PACS2: variants seen among roughly 807,000 people sequenced by gnomAD.
PACS2 encodes phosphofurin acidic cluster sorting protein 2.
PACS2 carries 36 observed loss-of-function variants against 113.0 expected under a neutral mutation model. The ratio of observed to expected loss-of-function variants is 0.32; its 90% CI spans 0.24 to 0.42. The LOEUF (loss-of-function observed/expected upper bound fraction) is 0.42. Ranked by LOEUF, PACS2 falls within the 10% of genes least tolerant of loss-of-function variation. The pLI is 1.00. For missense variants in PACS2, 1,015 were observed against 1,239.5 expected (o/e 0.82, Z 2.72); for synonymous variants, 589 against 536.1 (o/e 1.10, Z -1.36).
Position 105,333,812 on chromosome 14 carries a change from C to G in PACS2, c.120-14681C>G, listed in dbSNP as rs587681693. ...AGCCTGTGGCCCATGGCAGGGCTGC[C>G]CAGGACAGGGGCTTGGCCCCGGAGG... On this transcript the variant is annotated intron_variant, in intron 1 of 24. Transcript: ENST00000447393. 3.3e-5 allele frequency among the ~76,000 whole-genome samples: 5 copies of G among 152,332 alleles called. No homozygotes were observed. The South Asian group carries it at 8.3e-4, about 25-fold the overall frequency.
chr14:105,367,425 C>T (rs998905755), intron 5 of PACS2, 50 bp downstream of exon 5: 1 of 1,576,446 alleles, frequency 6.3e-7, no homozygotes, highest in Non-Finnish European at 8.7e-7. Flanking sequence ...GAGGCCCTGC[C>T]TTCCAGCCAT....
In PACS2 at chr14:105,329,355, G is replaced by A. The variant is rs1413187414; in HGVS notation, c.119+14318G>A. The stretch of plus-strand genomic sequence containing the variant: ...TTGGCACTTCAAGATTTGCTCCCTG[G>A]CAACTGTTGCCTTTCCCAGAAGAGA... On this transcript the variant is annotated intron_variant, in intron 1 of 24. Transcript: ENST00000447393. This position sits in a 1 kb window ranked among gnomAD's most constrained non-coding sequence, Gnocchi z 6.4. 6.6e-6 allele frequency among the ~76,000 whole-genome samples: 1 copy of A among 152,198 alleles called. No homozygotes were observed. Among genetic ancestry groups the A allele is most frequent in the Non-Finnish European group, 1.5e-5 (1 of 68,044 alleles).
At chr14:105,347,820 G>A (rs587747247) in intron 1 of PACS2, among the ~76,000 whole-genome samples, 9 of 152,320 alleles carry the variant, frequency 5.9e-5, no homozygotes, top group African/African-American at 7.2e-5. Context: ...GCCCTGGCGC[G>A]TGTACGGCAG....
In PACS2 at chr14:105,355,702, G is replaced by A. The variant is rs1293646235; in HGVS notation, c.423+525G>A. 1.3e-5 allele frequency among the ~76,000 whole-genome samples: 2 copies of A among 152,230 alleles called. No individual in the cohort carries two copies. Among genetic ancestry groups the A allele is most frequent in the Non-Finnish European group, 2.9e-5 (2 of 68,038 alleles). On this transcript the variant is annotated intron_variant, in intron 4 of 24. Coordinates refer to ENST00000447393, the MANE Select transcript of PACS2 (RefSeq NM_001100913.3). This position sits in a 1 kb window ranked among gnomAD's most constrained non-coding sequence, Gnocchi z 4.1. ...TGGCTGGAGTTCCCTGGAGGGGAAA[G>A]AAGGGGAAGTACCTCAAAAGGAAAA...
intron 8 of PACS2, chr14:105,372,862 A>G (rs934751457): frequency 2.0e-5 from 3 of 152,194 alleles, no homozygotes; most frequent in Non-Finnish European, 2.9e-5. Flanking sequence ...AGATGGGGCC[A>G]CTGCACTCCA....
At chr14:105,361,376 C>T (rs2060671644) in intron 4 of PACS2, among the ~76,000 whole-genome samples, 1 of 152,234 alleles carries the variant, frequency 6.6e-6, no homozygotes, top group South Asian at 2.1e-4. Flanking sequence ...GTGGCTCACA[C>T]CTGTAATCCC....
rs1555405748 is a variant in PACS2 at position 105,358,568 on chromosome 14, G to A, written c.423+3391G>A. 6.6e-6 allele frequency among the ~76,000 whole-genome samples: 1 copy of A among 152,230 alleles called. No homozygotes were observed. Among genetic ancestry groups the A allele is most frequent in the East Asian group, 1.9e-4 (1 of 5,202 alleles). ...GGAGACGCAGGCATGCCAGCTGGTGGCCATTGTCTGAGGCTGGGGCCTGTG... is the reference window on the plus strand; with the variant it reads ...GGAGACGCAGGCATGCCAGCTGGTGACCATTGTCTGAGGCTGGGGCCTGTG... On this transcript the variant is annotated intron_variant, in intron 4 of 24. Coordinates refer to ENST00000447393, the MANE Select transcript of PACS2 (RefSeq NM_001100913.3). The surrounding 1 kb of genome is among the most constrained non-coding windows in gnomAD (Gnocchi z 4.9).
rs587618349 is a variant in PACS2 at position 105,315,674 on chromosome 14, G to T, written c.119+637G>T. 2.6e-5 allele frequency: 4 copies of T among 152,446 alleles called. No individual in the cohort carries two copies. In the South Asian group the frequency reaches 8.3e-4, roughly 32 times the overall value. The allele number at this position is 152,446 out of a possible 1,614,324, so 9.4% of individuals were successfully genotyped here. ...TCTGCACTTGGTAGGGGGGCGCCCG[G>T]TCGCCCAGCGGTAACGATTGGACAG... is the stretch of plus-strand genomic sequence containing the variant. On this transcript the variant is annotated intron_variant, in intron 1 of 24. Transcript: ENST00000447393. This position sits in a 1 kb window ranked among gnomAD's most constrained non-coding sequence, Gnocchi z 4.4.
chr14:105,339,166 G>C (rs1200097768), intron 1 of PACS2, among the ~76,000 whole-genome samples: 1 of 152,194 alleles, frequency 6.6e-6, no homozygotes, highest in Non-Finnish European at 1.5e-5. Context: ...GATGGAAAGT[G>C]GGGGACGCTA....
In PACS2 at chr14:105,315,550, G is replaced by T. The variant is rs587746155; in HGVS notation, c.119+513G>T. On this transcript the variant is annotated intron_variant, in intron 1 of 24. Transcript: ENST00000447393. The surrounding 1 kb of genome is among the most constrained non-coding windows in gnomAD (Gnocchi z 4.4). ...CCTGCGGGGCGGGGTCGTCCTCGCG[G>T]GTACCTGGTTGGCGCTGTCTCTCAT... is the stretch of plus-strand genomic sequence containing the variant. 1.4e-4 allele frequency: 22 copies of T among 152,410 alleles called. No homozygotes were observed. In the East Asian group the frequency reaches 4.2e-3, roughly 29 times the overall value. The allele number at this position is 152,410 out of a possible 1,614,324, so 9.4% of individuals were successfully genotyped here.
Position 105,384,458 on chromosome 14 carries a change from G to A in PACS2, c.1886G>A (p.Ser629Asn). 6.2e-7 allele frequency: 1 copy of A among 1,606,260 alleles called. No individual in the cohort carries two copies. The highest frequency in any genetic ancestry group is 8.5e-7 in the Non-Finnish European group (1 of 1,175,034). Residue 629 changes from serine to asparagine, a missense_variant, in exon 17 of 25, where the codon AGT becomes AAT. Ser to Asn is a conservative substitution (Grantham distance 46, BLOSUM62 1). Coordinates refer to ENST00000447393, the MANE Select transcript of PACS2 (RefSeq NM_001100913.3). ...CTGTTCAACAAGCTGGAGGCCCAGA[G>A]TGCGGGTGAGGCCCGGGCGCGTCCA... Reference protein sequence around the residue: ...RDLFNKLEAQSAVQDTPDIVS... With the variant: ...RDLFNKLEAQNAVQDTPDIVS...
At chr14:105,384,322 TG>T in intron 16 of PACS2, 30 bp from the exon 17 acceptor site, 1 of 1,344,896 alleles carries the variant, frequency 7.4e-7, no homozygotes, top group Non-Finnish European at 1.1e-6. Flanking sequence ...GAGTCCCCCG[TG>T]GTGACACCAG....
upstream of PACS2, among the ~76,000 whole-genome samples, chr14:105,314,239 C>A (rs1361915600): frequency 7.2e-6 from 1 of 139,772 alleles, no homozygotes; most frequent in Non-Finnish European, 1.6e-5. Flanking sequence ...GCCAACCCAG[C>A]GGGGGTCGGC....
In PACS2 at chr14:105,394,621, C is replaced by T. The variant is rs144999852; in HGVS notation, c.2664C>T (p.His888=). ...FFQLAAQWSS[H]VKHFPICIFG... is the part of the protein sequence containing the mutation. Reference sequence around the variant, plus strand: ...AGCTGGCCGCGCAGTGGTCCTCGCACGTGAAGCACTTCCCCATCTGCATCT... The same window carrying T: ...AGCTGGCCGCGCAGTGGTCCTCGCATGTGAAGCACTTCCCCATCTGCATCT... Residue 888 remains histidine (H), a synonymous_variant, in exon 25 of 25, where the codon CAC becomes CAT. Coordinates refer to ENST00000447393, the MANE Select transcript of PACS2 (RefSeq NM_001100913.3). 1.6e-5 allele frequency: 26 copies of T among 1,613,370 alleles called. No homozygotes were observed. The highest frequency in any genetic ancestry group is 1.8e-5 in the Non-Finnish European group (21 of 1,179,968).
chr14:105,350,097 C>T (rs891791328), intron 2 of PACS2, among the ~76,000 whole-genome samples: 4 of 151,574 alleles, frequency 2.6e-5, no homozygotes, highest in Admixed American at 2.0e-4. Context: ...AGCGTCTCTC[C>T]GCCTGTCCTG....
At position 105,319,559 on chromosome 14, in the gene PACS2, AT is replaced by A. The variant is rs587770894; in HGVS notation, c.119+4527del. Among the ~76,000 whole-genome samples the A allele has an allele frequency of 6.6e-4, 100 of 152,356 alleles. 1 individual carries two copies. The highest frequency in any genetic ancestry group is 2.4e-3 in the Admixed American group (36 of 15,304). ...TTTCAAAGAAATCAGTGATTTTACTATTTTTAACCTAGTAACTTATCTATAG... is the reference window on the plus strand; with the variant it reads ...TTTCAAAGAAATCAGTGATTTTACTATTTTAACCTAGTAACTTATCTATAG... On this transcript the variant is annotated intron_variant, in intron 1 of 24. Coordinates refer to ENST00000447393, the MANE Select transcript of PACS2 (RefSeq NM_001100913.3).
rs2059231292 is a variant in PACS2, at chr14:105,329,683, C to T, written c.119+14646C>T. 6.6e-6 allele frequency among the ~76,000 whole-genome samples: 1 copy of T among 152,146 alleles called. No homozygotes were observed. The highest frequency in any genetic ancestry group is 1.5e-5 in the Non-Finnish European group (1 of 68,020). On this transcript the variant is annotated intron_variant, in intron 1 of 24. Coordinates refer to ENST00000447393, the MANE Select transcript of PACS2 (RefSeq NM_001100913.3). The surrounding 1 kb of genome is among the most constrained non-coding windows in gnomAD (Gnocchi z 6.4). Reference sequence around the variant, plus strand: ...CAGACAGCCCCCTTGTCTAGGTGCGCACCTGGAGTCCTTTCCTGCGTGACT... The same window carrying T: ...CAGACAGCCCCCTTGTCTAGGTGCGTACCTGGAGTCCTTTCCTGCGTGACT...
intron 1 of PACS2, among the ~76,000 whole-genome samples, chr14:105,338,398 C>T (rs147355994): frequency 1.2e-3 from 186 of 152,264 alleles, no homozygotes; most frequent in African/African-American, 4.2e-3. Context: ...AAGTCCCTGC[C>T]GAGGGGGGCG....
At chr14:105,341,753 G>C (rs2059733233) in intron 1 of PACS2, among the ~76,000 whole-genome samples, 1 of 152,230 alleles carries the variant, frequency 6.6e-6, no homozygotes, top group Non-Finnish European at 1.5e-5. Flanking sequence ...TGCCCAGGCT[G>C]GAGCTTTTTA....
Sources: gnomAD v4.1 joint callset for allele counts (sites outside exome capture counted in the v4.1 genomes callset) on GRCh38, gnomAD v4.1.1 for gene constraint, Gnocchi (gnomAD v3.1) non-coding constraint, MANE v1.5 for transcripts, NCBI Gene and HGNC (gene_info 2026-07-23, HGNC 2026-07-21) for gene names.